The following RFX2 variants were observed in gnomAD, a reference collection of about 807,000 sequenced individuals.
RFX2 encodes the protein DNA-binding protein RFX2.
A neutral mutation model predicts 87.8 loss-of-function variants in RFX2; 20 were observed. The observed-to-expected ratio is 0.23, with a 90% CI of 0.16 to 0.33. RFX2 has a LOEUF of 0.33. Among genes scored for constraint, RFX2 ranks in the 10% least tolerant of loss-of-function variants. The pLI is 1.00. For missense variants in RFX2, 767 were observed against 1,012.3 expected (o/e 0.76, Z 3.29); for synonymous variants, 397 against 431.3 (o/e 0.92, Z 0.98).
chr19:6,075,397 A>G (rs1208048462), intron 1 of RFX2, among the ~76,000 whole-genome samples: 1 of 152,168 alleles, frequency 6.6e-6, no homozygotes, highest in Non-Finnish European at 1.5e-5. Context: ...CAGGGACACA[A>G]TCTGACAGAT....
chr19:6,107,153 G>A (rs912515785), intron 1 of RFX2, among the ~76,000 whole-genome samples: 93 of 151,954 alleles, frequency 6.1e-4, no homozygotes, highest in Non-Finnish European at 1.1e-3. Context: ...AAAATTAGCC[G>A]GGCGTGGTGG....
Position 6,007,139 on chromosome 19 carries a change from C to A in RFX2, c.1275G>T (p.Leu425=). 1.9e-6 allele frequency: 3 copies of A among 1,614,034 alleles called. No homozygotes were observed. The highest frequency in any genetic ancestry group is 2.5e-6 in the Non-Finnish European group (3 of 1,180,010). Residue 425 remains leucine, a synonymous_variant, in exon 12 of 18, where the codon CTG becomes CTT. Transcript: ENST00000303657. This position sits in a 1 kb window ranked among gnomAD's most constrained non-coding sequence, Gnocchi z 8.2. ...ACAGGGAGATAAGCTTGTCCTTGGG[C>A]AGGACGGCGCCCTCGGGGTCTTCGT... is the stretch of plus-strand genomic sequence containing the variant. ...ASDEDPEGAV[L]PKDKLISLCQ... is the part of the protein sequence containing the mutation.
In RFX2 at chr19:6,094,243, T is replaced by TAAAAAATTTTTAAA. The variant is rs1163895379; in HGVS notation, c.-9+16149_-9+16150insTTTAAAAATTTTTT. Among the ~76,000 whole-genome samples the TAAAAAATTTTTAAA allele has an allele frequency of 2.6e-5, 4 of 152,142 alleles. No individual in the cohort carries two copies. In the East Asian group the frequency reaches 7.7e-4, roughly 29 times the overall value. On this transcript the variant is annotated intron_variant, in intron 1 of 17. Coordinates refer to ENST00000303657, the MANE Select transcript of RFX2 (RefSeq NM_000635.4). ...AGCCAGAGGCTCTTTTTTTCTTTTT[T>TAAAAAATTTTTAAA]ACAATTTGGATTTTTTTTTAATGAT...
At chr19:6,080,483 G>T (rs2087764918) in intron 1 of RFX2, among the ~76,000 whole-genome samples, 1 of 152,168 alleles carries the variant, frequency 6.6e-6, no homozygotes, top group Non-Finnish European at 1.5e-5. Flanking sequence ...AGATACACAA[G>T]GTTGTTCAGT....
intron 1 of RFX2, among the ~76,000 whole-genome samples, chr19:6,055,211 T>C (rs187149424): frequency 6.6e-5 from 10 of 152,292 alleles, no homozygotes. Flanking sequence ...TCCAATGTTG[T>C]AAGTACATGG....
chr19:6,054,708 A>T (rs1180702387), intron 1 of RFX2, among the ~76,000 whole-genome samples: 1 of 152,140 alleles, frequency 6.6e-6, no homozygotes, highest in African/African-American at 2.4e-5. Flanking sequence ...CCCCTACCTC[A>T]CACCATACAT....
chr19:6,032,491 G>C (rs371767207), intron 5 of RFX2, among the ~76,000 whole-genome samples: 4 of 152,202 alleles, frequency 2.6e-5, no homozygotes, highest in African/African-American at 9.7e-5. Context: ...AAGGCAGAGT[G>C]GTAAATCATA....
At chr19:6,078,960 G>C (rs2087736196) in intron 1 of RFX2, among the ~76,000 whole-genome samples, 2 of 152,188 alleles carry the variant, frequency 1.3e-5, no homozygotes, top group Non-Finnish European at 1.5e-5. Context: ...ATTTTTAGTA[G>C]AGACGGGGTT....
chr19:6,095,943 C>T (rs749584862), intron 1 of RFX2, among the ~76,000 whole-genome samples: 8 of 152,216 alleles, frequency 5.3e-5, no homozygotes, highest in South Asian at 2.1e-4. Context: ...GATTGGCACA[C>T]GGCCAGGCCC....
At chr19:6,106,254 T>A (rs926841385) in intron 1 of RFX2, among the ~76,000 whole-genome samples, 1 of 150,928 alleles carries the variant, frequency 6.6e-6, no homozygotes, top group Non-Finnish European at 1.5e-5. Context: ...CATCCATCCA[T>A]CCATCCATCC....
At chr19:6,046,556 C>A (rs1271630881) in intron 2 of RFX2, among the ~76,000 whole-genome samples, 1 of 146,028 alleles carries the variant, frequency 6.8e-6, no homozygotes, top group Non-Finnish European at 1.5e-5. Context: ...GAGACTCCGT[C>A]CCCCCCCAAA....
At position 6,002,588 on chromosome 19, in the gene RFX2, C is replaced by T. The variant is rs1303574757; in HGVS notation, c.1650+133G>A. On this transcript the variant is annotated intron_variant, in intron 14 of 17. Transcript: ENST00000303657. The surrounding 1 kb of genome is among the most constrained non-coding windows in gnomAD (Gnocchi z 6.7). ...TGTGGGTGGGCTTTGGCCTGGGACC[C>T]GTGTCATGCAACAGAACCGTGGCCA... 1.4e-5 allele frequency: 15 copies of T among 1,101,254 alleles called. No homozygotes were observed. Among genetic ancestry groups the T allele is most frequent in the Admixed American group, 4.3e-5 (2 of 46,618 alleles). 68.2% of individuals were successfully genotyped at this position (1,101,254 alleles called of 1,614,324 possible). A position where few individuals can be genotyped will look rare whatever the true frequency, so the allele number is the denominator to read the frequency against.
Position 5,997,361 on chromosome 19 carries a change from C to CG in RFX2, c.1860-149dup. The stretch of plus-strand genomic sequence containing the variant: ...TGATCCTAAGACGTGCAGGCCTACG[C>CG]GGGGGCTGACGGGCTGCCGAGACCC... On this transcript the variant is annotated intron_variant, in intron 15 of 17. Transcript: ENST00000303657. This position sits in a 1 kb window ranked among gnomAD's most constrained non-coding sequence, Gnocchi z 4.2. The CG allele has an allele frequency of 2.3e-6, 2 of 884,670 alleles. No homozygotes were observed. Among genetic ancestry groups the CG allele is most frequent in the South Asian group, 3.9e-5 (2 of 51,482 alleles). The allele number at this position is 884,670 out of a possible 1,614,324, so 54.8% of individuals were successfully genotyped here.
intron 1 of RFX2, chr19:6,073,002 CAG>C (rs1203347894): frequency 1.6e-5 from 9 of 551,226 alleles, no homozygotes; most frequent in African/African-American, 1.5e-4. Flanking sequence ...TTTTTTGAGA[CAG>C]AGTCTCACTC....
intron 16 of RFX2, 77 bp downstream of exon 16, chr19:5,996,983 T>C: frequency 6.9e-6 from 10 of 1,453,372 alleles, no homozygotes; most frequent in Non-Finnish European, 9.3e-6. Flanking sequence ...GTCCTCTCTC[T>C]GGGCTGCTCA....
chr19:6,087,014 A>G (rs1053848026), intron 1 of RFX2, among the ~76,000 whole-genome samples: 5 of 152,134 alleles, frequency 3.3e-5, no homozygotes, highest in African/African-American at 1.2e-4. Flanking sequence ...TTAATCTTTT[A>G]AAACTTAAAT....
At chr19:6,078,073 G>A (rs988842164) in intron 1 of RFX2, 4 of 151,362 alleles carry the variant, frequency 2.6e-5, no homozygotes, top group African/African-American at 9.7e-5. Flanking sequence ...CGTGGAAGAA[G>A]CCAGTCACAA....
chr19:6,087,581 C>T (rs142878627), intron 1 of RFX2, among the ~76,000 whole-genome samples: 45 of 152,254 alleles, frequency 3.0e-4, no homozygotes, highest in Middle Eastern at 3.4e-3. Context: ...GGCATTAAGG[C>T]GAGTCCCCAC....
intron 1 of RFX2, among the ~76,000 whole-genome samples, chr19:6,092,557 A>G (rs901047949): frequency 6.6e-6 from 1 of 152,348 alleles, no homozygotes; most frequent in Admixed American, 6.5e-5. Context: ...CAAGGGCGAC[A>G]AGCATGAGCT....
Sources: allele counts gnomAD v4.1 joint callset (sites outside exome capture counted in the v4.1 genomes callset), GRCh38; gene constraint gnomAD v4.1.1; non-coding constraint Gnocchi (gnomAD v3.1); transcripts MANE v1.5; gene names NCBI Gene and HGNC (gene_info 2026-07-23, HGNC 2026-07-21).